SYNPR: variants seen among roughly 807,000 people sequenced by gnomAD.
The protein encoded by SYNPR is synaptoporin.
In SYNPR, 23 loss-of-function variants were observed where a neutral mutation model predicts 32.9. The observed-to-expected ratio is 0.70, with a 90% CI of 0.50 to 0.99. SYNPR has a LOEUF of 0.99. SYNPR is among the 50% of genes least tolerant of loss of function. The pLI is 0.00. For synonymous variants in SYNPR, 146 were observed against 135.9 expected (o/e 1.07, Z -0.52); for missense variants, 318 against 349.3 (o/e 0.91, Z 0.71).
chr3:63,370,483 T>A (rs1289732096), intron 2 of SYNPR, among the ~76,000 whole-genome samples: 4 of 152,242 alleles, frequency 2.6e-5, no homozygotes, highest in Non-Finnish European at 5.9e-5. Flanking sequence ...TAGAACTTCA[T>A]AATCTTACTT....
intron 2 of SYNPR, among the ~76,000 whole-genome samples, chr3:63,468,744 T>A (rs1700736642): frequency 6.6e-6 from 1 of 152,132 alleles, no homozygotes; most frequent in Admixed American, 6.5e-5. Flanking sequence ...GAATTTACAG[T>A]GAGCCAAGAA....
chr3:63,461,098 A>T (rs1700576483), intron 2 of SYNPR, among the ~76,000 whole-genome samples: 1 of 152,054 alleles, frequency 6.6e-6, no homozygotes. Flanking sequence ...ATCTCAAATA[A>T]GACTATTCCC....
intron 2 of SYNPR, among the ~76,000 whole-genome samples, chr3:63,261,140 T>C (rs1333205149): frequency 2.6e-5 from 4 of 152,116 alleles, no homozygotes; most frequent in Non-Finnish European, 5.9e-5. Flanking sequence ...CGTTCAACCA[T>C]TGTGGAAGTC....
chr3:63,224,621 A>G (rs2086115419), upstream of SYNPR, among the ~76,000 whole-genome samples: 1 of 152,240 alleles, frequency 6.6e-6, no homozygotes, highest in Admixed American at 6.5e-5. Context: ...CAGAGTGGCC[A>G]TAGCACAGAG....
chr3:63,221,418 C>T, the SYNPR span, among the ~76,000 whole-genome samples: 1 of 151,994 alleles, frequency 6.6e-6, no homozygotes. Flanking sequence ...AAACATGTTT[C>T]CTAATACATG....
intron 2 of SYNPR, among the ~76,000 whole-genome samples, chr3:63,334,763 T>C (rs2087266804): frequency 2.0e-5 from 3 of 152,212 alleles, no homozygotes; most frequent in African/African-American, 7.2e-5. Flanking sequence ...AGCATTTTCT[T>C]TGATTTTTTT....
intron 3 of SYNPR, among the ~76,000 whole-genome samples, chr3:63,556,042 G>A (rs1231388490): frequency 1.3e-5 from 2 of 152,198 alleles, no homozygotes; most frequent in Non-Finnish European, 2.9e-5. Flanking sequence ...GGGGCAGAGT[G>A]ATTTAGGAAA....
intron 2 of SYNPR, among the ~76,000 whole-genome samples, chr3:63,475,852 A>T (rs1190615435): frequency 2.0e-5 from 3 of 151,994 alleles, no homozygotes; most frequent in African/African-American, 7.3e-5. Flanking sequence ...AATTGTCTAC[A>T]TTAGGAATTG....
At chr3:63,582,255 T>C (rs1703106059) in intron 4 of SYNPR, among the ~76,000 whole-genome samples, 2 of 152,126 alleles carry the variant, frequency 1.3e-5, no homozygotes, top group South Asian at 2.1e-4. Context: ...TTTAGCTAAG[T>C]TCTGCAAATT....
chr3:63,546,835 A>T (rs1702413421), intron 3 of SYNPR, among the ~76,000 whole-genome samples: 1 of 152,116 alleles, frequency 6.6e-6, no homozygotes, highest in South Asian at 2.1e-4. Context: ...TTTCACTTAG[A>T]TTTTTTCTTT....
chr3:63,430,395 C>CACAA, intron 2 of SYNPR, among the ~76,000 whole-genome samples: 1 of 146,918 alleles, frequency 6.8e-6, no homozygotes, highest in African/African-American at 2.5e-5. Flanking sequence ...CACACACACA[C>CACAA]AACCTTATCC....
chr3:63,202,668 T>C, the SYNPR span, among the ~76,000 whole-genome samples: 1 of 152,192 alleles, frequency 6.6e-6, no homozygotes, highest in African/African-American at 2.4e-5. Flanking sequence ...TAATCCCAAC[T>C]ATGTTTGGTT....
At chr3:63,521,727 C>T (rs1701918467) in intron 3 of SYNPR, among the ~76,000 whole-genome samples, 1 of 152,188 alleles carries the variant, frequency 6.6e-6, no homozygotes, top group African/African-American at 2.4e-5. Context: ...GTTCCTAACT[C>T]ATAATGGTAT....
At chr3:63,491,114 A>G (rs1015123321) in intron 3 of SYNPR, among the ~76,000 whole-genome samples, 2 of 151,804 alleles carry the variant, frequency 1.3e-5, no homozygotes, top group South Asian at 2.1e-4. Context: ...TTTGACTTGA[A>G]TGATGAATCT....
chr3:63,490,040 G>A lies in SYNPR; in HGVS notation c.209+9084G>A, dbSNP rs1575671769. ...CTTGAGAGGAAATTAGGAAGGTTAA[G>A]GGATAAAGAGAGAAGCTGTACTATT... On this transcript the variant is annotated intron_variant, in intron 3 of 5. Transcript: ENST00000478300. 5.3e-5 allele frequency among the ~76,000 whole-genome samples: 8 copies of A among 152,230 alleles called. 1 individual carries two copies. Among genetic ancestry groups the A allele is most frequent in the Admixed American group, 5.2e-4 (8 of 15,288 alleles).
chr3:63,587,524 T>C (rs2106871216), intron 4 of SYNPR, among the ~76,000 whole-genome samples: 1 of 152,194 alleles, frequency 6.6e-6, no homozygotes, highest in South Asian at 2.1e-4. Context: ...CAGCCTGAAT[T>C]TATATCAGCA....
At chr3:63,392,289 G>A (rs1363336253) in intron 2 of SYNPR, among the ~76,000 whole-genome samples, 1 of 152,066 alleles carries the variant, frequency 6.6e-6, no homozygotes, top group Non-Finnish European at 1.5e-5. Context: ...TGGTTTCAGA[G>A]GCAAAAGTCA....
At chr3:63,370,851 C>A (rs1162958234) in intron 2 of SYNPR, among the ~76,000 whole-genome samples, 1 of 151,964 alleles carries the variant, frequency 6.6e-6, no homozygotes, top group East Asian at 1.9e-4. Context: ...AGAGAAAGAC[C>A]CCTATATAAA....
intron 2 of SYNPR, among the ~76,000 whole-genome samples, chr3:63,290,141 A>AAAAAAATC (rs11280661): frequency 0.25 from 35,647 of 144,714 alleles, 5,426 homozygotes; most frequent in South Asian, 0.45. Context: ...AAAAACAAAA[A>AAAAAAATC]AACTCCTTTT....
Sources: gnomAD v4.1 joint callset for allele counts (sites outside exome capture counted in the v4.1 genomes callset) on GRCh38, gnomAD v4.1.1 for gene constraint, MANE v1.5 for transcripts, NCBI Gene and HGNC (gene_info 2026-07-23, HGNC 2026-07-21) for gene names.